TNFRSF13B: variants seen among roughly 807,000 people sequenced by gnomAD.
TNFRSF13B encodes the protein tumor necrosis factor receptor superfamily member 13B.
TNFRSF13B carries 34 observed loss-of-function variants against 24.0 expected under a neutral mutation model. The observed-to-expected ratio is 1.41, with a 90% CI of 1.08 to 1.88. The LOEUF (loss-of-function observed/expected upper bound fraction) is 1.88. Ranked by LOEUF, TNFRSF13B falls within the 40% of genes most tolerant of loss-of-function variation. The probability of loss-of-function intolerance (pLI) is 0.00; values close to 1 mark genes in which losing one functional copy is unlikely to be tolerated. For synonymous variants in TNFRSF13B, 173 were observed against 150.3 expected, an observed-to-expected ratio of 1.15 and a Z score of -1.10; for missense variants, 415 against 380.8, an observed-to-expected ratio of 1.09 and a Z score of -0.75.
intron 3 of TNFRSF13B, among the ~76,000 whole-genome samples, chr17:16,947,846 G>A (rs559253102): frequency 4.9e-4 from 75 of 152,198 alleles, no homozygotes; most frequent in African/African-American, 1.7e-3. Context: ...CCCATTACTG[G>A]GTATATATCC....
intron 4 of TNFRSF13B, 93 bp downstream of exon 4, chr17:16,940,233 C>T: frequency 6.2e-7 from 1 of 1,610,222 alleles, no homozygotes; most frequent in Non-Finnish European, 8.5e-7. Context: ...GCCTCTCCAC[C>T]TAGAAGCAGG....
chr17:16,948,961 C>T lies in TNFRSF13B; in HGVS notation c.222G>A (p.Glu74=), dbSNP rs1167588510. The T allele has an allele frequency of 1.2e-6, 2 of 1,614,140 alleles. No homozygotes were observed. Among genetic ancestry groups the T allele is most frequent in the Non-Finnish European group, 1.7e-6 (2 of 1,180,026 alleles). ...AFCRSLSCRK[E]QGKFYDHLLR... ...GGAGATGGTCATAGAACTTGCCTTG[C>T]TCCTTGCGGCAGCTGAGTGACCCTG... The change falls in exon 3 of 5, where the codon GAG becomes GAA. Residue 74 remains glutamate (E), a synonymous_variant. Transcript: ENST00000261652.
At chr17:16,950,037 T>G (rs1454916333) in intron 2 of TNFRSF13B, among the ~76,000 whole-genome samples, 1 of 152,154 alleles carries the variant, frequency 6.6e-6, no homozygotes, top group East Asian at 1.9e-4. Context: ...AAAAGGCAAG[T>G]TTCCTTTGTA....
chr17:16,939,836 C>A (rs770018139), intron 4 of TNFRSF13B, 39 bp from the exon 5 acceptor site: 2 of 1,597,884 alleles, frequency 1.3e-6, no homozygotes, highest in Admixed American at 1.7e-5. Flanking sequence ...CCAGGCCTGG[C>A]CCTGCACTAG....
intron 1 of TNFRSF13B, among the ~76,000 whole-genome samples, chr17:16,970,411 C>T (rs983755981): frequency 2.0e-5 from 3 of 152,152 alleles, no homozygotes; most frequent in Admixed American, 1.3e-4. Context: ...TGCCTCCTCA[C>T]GGGCTTGGCC....
chr17:16,946,621 T>C (rs2087551431), intron 3 of TNFRSF13B, among the ~76,000 whole-genome samples: 1 of 151,588 alleles, frequency 6.6e-6, no homozygotes, highest in Non-Finnish European at 1.5e-5. Flanking sequence ...ACAGTCTCAC[T>C]GTGTCCCTCA....
chr17:16,963,092 C>G (rs1420236842), intron 1 of TNFRSF13B, among the ~76,000 whole-genome samples: 1 of 152,208 alleles, frequency 6.6e-6, no homozygotes, highest in Non-Finnish European at 1.5e-5. Context: ...TGACCTTGGG[C>G]ACGACTTCTG....
intron 3 of TNFRSF13B, among the ~76,000 whole-genome samples, chr17:16,943,577 A>G (rs888196447): frequency 1.3e-5 from 2 of 152,070 alleles, no homozygotes; most frequent in Non-Finnish European, 2.9e-5. Flanking sequence ...GGGGCAACAG[A>G]GAGCTCTCCC....
chr17:16,946,236 C>A (rs1803787059), intron 3 of TNFRSF13B, among the ~76,000 whole-genome samples: 1 of 152,212 alleles, frequency 6.6e-6, no homozygotes. Flanking sequence ...AGCCCTGGGA[C>A]CTGGCCTCAT....
intron 2 of TNFRSF13B, among the ~76,000 whole-genome samples, chr17:16,950,828 C>G (rs2087583538): frequency 6.6e-6 from 1 of 152,114 alleles, no homozygotes; most frequent in Non-Finnish European, 1.5e-5. Flanking sequence ...AGCCTCTGCT[C>G]ATAGTGCCCT....
chr17:16,960,222 A>C (rs2087652758), intron 1 of TNFRSF13B, among the ~76,000 whole-genome samples: 1 of 152,176 alleles, frequency 6.6e-6, no homozygotes, highest in Non-Finnish European at 1.5e-5. Flanking sequence ...TGATAAAAAC[A>C]CTTGAGAAGC....
chr17:16,966,879 C>T (rs941574072), intron 1 of TNFRSF13B, among the ~76,000 whole-genome samples: 1 of 132,854 alleles, frequency 7.5e-6, no homozygotes, highest in African/African-American at 2.8e-5. Flanking sequence ...CACTCTGTCT[C>T]CCAGGCTGGA....
intron 2 of TNFRSF13B, among the ~76,000 whole-genome samples, chr17:16,949,883 G>A (rs962475651): frequency 2.6e-5 from 4 of 151,762 alleles, no homozygotes; most frequent in South Asian, 4.2e-4. Flanking sequence ...ATGGACTTTC[G>A]CCGTGTTGGC....
chr17:16,952,333 A>G (rs2087594356), intron 2 of TNFRSF13B, 113 bp downstream of exon 2: 5 of 1,498,206 alleles, frequency 3.3e-6, no homozygotes, highest in South Asian at 2.4e-5. Flanking sequence ...CACACTGTAC[A>G]TCTCCTCCTG....
intron 1 of TNFRSF13B, among the ~76,000 whole-genome samples, chr17:16,968,710 C>T (rs1451954735): frequency 6.6e-6 from 1 of 152,164 alleles, no homozygotes; most frequent in East Asian, 1.9e-4. Context: ...TGGACTTAAT[C>T]AAATGAAAAA....
At chr17:16,966,019 C>T (rs993699637) in intron 1 of TNFRSF13B, among the ~76,000 whole-genome samples, 6 of 151,978 alleles carry the variant, frequency 3.9e-5, no homozygotes, top group East Asian at 1.9e-4. Context: ...CTTTGGAGCC[C>T]GAGGTGGGTG....
Position 16,948,947 on chromosome 17 carries a change from T to C in TNFRSF13B, c.236A>G (p.Tyr79Cys), listed in dbSNP as rs72553876. 436 of 1,614,188 alleles carry C rather than the reference T, an allele frequency of 2.7e-4. No individual in the cohort carries two copies. The highest frequency in any genetic ancestry group is 6.3e-4 in the Admixed American group (38 of 60,012). ...GATGCAGTCCCTCAGGAGATGGTCA[T>C]AGAACTTGCCTTGCTCCTTGCGGCA... Reference protein sequence around the residue: ...LSCRKEQGKFYDHLLRDCISC... With the variant: ...LSCRKEQGKFCDHLLRDCISC... Residue 79 changes from tyrosine (Y) to cysteine (C), a missense_variant, in exon 3 of 5, where the codon TAT becomes TGT. Coordinates refer to ENST00000261652, the MANE Select transcript of TNFRSF13B (RefSeq NM_012452.3).
intron 1 of TNFRSF13B, among the ~76,000 whole-genome samples, chr17:16,957,403 A>G (rs1199509659): frequency 1.3e-5 from 2 of 152,076 alleles, no homozygotes; most frequent in Admixed American, 1.3e-4. Context: ...GAAGTTACAG[A>G]AGGAGAAGGG....
In TNFRSF13B at chr17:16,954,428, G is replaced by A. The variant is rs116895696; in HGVS notation, c.62-1845C>T. On this transcript the variant is annotated intron_variant, in intron 1 of 4. Coordinates refer to ENST00000261652, the MANE Select transcript of TNFRSF13B (RefSeq NM_012452.3). ...AGACCAGGGGCCTCTCATTTAACACGGCAGCTTAAACACAGGGGTTTATCT... is the reference window on the plus strand; with the variant it reads ...AGACCAGGGGCCTCTCATTTAACACAGCAGCTTAAACACAGGGGTTTATCT... Among the ~76,000 whole-genome samples the A allele has an allele frequency of 5.5e-3, 830 of 152,226 alleles. 7 individuals carry two copies. Among genetic ancestry groups the A allele is most frequent in the Non-Finnish European group, 9.5e-3 (648 of 67,990 alleles).
Sources: allele counts gnomAD v4.1 joint callset (sites outside exome capture counted in the v4.1 genomes callset), GRCh38; gene constraint gnomAD v4.1.1; transcripts MANE v1.5; gene names NCBI Gene and HGNC (gene_info 2026-07-23, HGNC 2026-07-21).